The following ARHGEF18 variants were observed in gnomAD, a reference collection of about 807,000 sequenced individuals.
The protein encoded by ARHGEF18 is rho guanine nucleotide exchange factor 18.
Under a neutral mutation model 155.7 loss-of-function variants are expected in ARHGEF18, and 93 were observed. The observed-to-expected ratio is 0.60, with a 90% confidence interval of 0.50 to 0.71. The LOEUF is 0.71. ARHGEF18 is among the 30% of genes least tolerant of loss of function. ARHGEF18 has a pLI of 0.00. For synonymous variants in ARHGEF18, 742 were observed against 753.1 expected, an observed-to-expected ratio of 0.99 and a Z score of 0.24; for missense variants, 1,593 against 1,816.1, an observed-to-expected ratio of 0.88 and a Z score of 2.23.
intron 10 of ARHGEF18, among the ~76,000 whole-genome samples, chr19:7,386,040 C>G (rs1238628332): frequency 7.0e-6 from 1 of 143,744 alleles, no homozygotes; most frequent in Non-Finnish European, 1.5e-5. Context: ...CTCCCTCTCT[C>G]TCTCTCCTCC....
chr19:7,444,257 G>T lies in ARHGEF18; in HGVS notation c.1414G>T (p.Val472Leu). The part of the protein sequence containing the change: ...HVRTLKIMLK[V>L]YSRALQEELQ... The stretch of plus-strand genomic sequence containing the variant: ...GCGGACGCTCAAGATCATGCTGAAG[G>T]TGTACTCCAGGGCCCTGCAGGAGGA... The change falls in exon 14 of 29, where the codon GTG becomes TTG. Residue 472 changes from valine (V) to leucine (L), a missense_variant. Val to Leu is a conservative substitution (Grantham distance 32). Coordinates refer to ENST00000668164, the MANE Select transcript of ARHGEF18 (RefSeq NM_001367823.1). The surrounding 1 kb of genome is among the most constrained non-coding windows in gnomAD (Gnocchi z 4.7). 32 of 1,613,698 alleles carry T rather than the reference G, an allele frequency of 2.0e-5. No individual in the cohort carries two copies. The highest frequency in any genetic ancestry group is 2.7e-5 in the Non-Finnish European group (32 of 1,180,034).
At chr19:7,428,964 G>T (rs1973810395) in intron 10 of ARHGEF18, among the ~76,000 whole-genome samples, 1 of 152,208 alleles carries the variant, frequency 6.6e-6, no homozygotes, top group African/African-American at 2.4e-5. Flanking sequence ...GTGCAGCGAG[G>T]CTGTGCAATA....
the ARHGEF18 span, among the ~76,000 whole-genome samples, chr19:7,479,817 C>T: frequency 6.6e-5 from 10 of 152,204 alleles, no homozygotes; most frequent in African/African-American, 2.4e-4. Context: ...GAGCTACTCA[C>T]TTGGGGTGAT....
intron 10 of ARHGEF18, among the ~76,000 whole-genome samples, chr19:7,437,396 T>C (rs1487192326): frequency 1.4e-5 from 2 of 144,532 alleles, no homozygotes; most frequent in Non-Finnish European, 3.0e-5. Context: ...CACTCCAGCC[T>C]GGGCAACAAA....
intron 10 of ARHGEF18, among the ~76,000 whole-genome samples, chr19:7,389,249 C>T (rs971048270): frequency 4.6e-5 from 7 of 151,116 alleles, no homozygotes; most frequent in African/African-American, 1.7e-4. Context: ...CTCCTGGGCT[C>T]AAGCAATCCT....
At chr19:7,350,773 T>C (rs778622504) in intron 1 of ARHGEF18, among the ~76,000 whole-genome samples, 63 of 53,982 alleles carry the variant, frequency 1.2e-3, no homozygotes, top group Admixed American at 2.1e-3. Context: ...GGTGGGTGTG[T>C]GTGTGTGTGT....
Position 7,467,672 on chromosome 19 carries a change from C to T in ARHGEF18, c.3468C>T (p.Asp1156=). 1.3e-6 allele frequency: 2 copies of T among 1,508,282 alleles called. No homozygotes were observed. The highest frequency in any genetic ancestry group is 1.8e-6 in the Non-Finnish European group (2 of 1,136,532). 93.4% of individuals were successfully genotyped at this position (1,508,282 alleles called of 1,614,324 possible). ...CCGCGCCAGGCGCGCTGCCGCCCGA[C>T]ACACTGGCCGAGGTGAGCGCGCAGC... ...QNTAPGALPP[D]TLAEAQPPSH... The change falls in exon 26 of 29, where the codon GAC becomes GAT. Residue 1156 remains aspartate (D), a synonymous_variant. Coordinates refer to ENST00000668164, the MANE Select transcript of ARHGEF18 (RefSeq NM_001367823.1).
chr19:7,449,818 C>T (rs1975245422), intron 15 of ARHGEF18, among the ~76,000 whole-genome samples: 1 of 152,068 alleles, frequency 6.6e-6, no homozygotes, highest in African/African-American at 2.4e-5. Flanking sequence ...GCTGGGACTA[C>T]AGGAGTGTGC....
Position 7,446,975 on chromosome 19 carries a change from G to A in ARHGEF18, c.1612-68G>A, listed in dbSNP as rs748322841. On this transcript the variant is annotated intron_variant, in intron 14 of 28. Transcript: ENST00000668164. ...AATATTTATTTTAGCAGACTCAGAC[G>A]AATTAGATGAAAATACTCTTTGGCA... 1.3e-5 allele frequency: 20 copies of A among 1,547,820 alleles called. No homozygotes were observed. The South Asian group carries it at 1.9e-4, about 15-fold the overall frequency.
intron 1 of ARHGEF18, among the ~76,000 whole-genome samples, chr19:7,353,838 A>G (rs1196790123): frequency 1.3e-5 from 2 of 151,852 alleles, no homozygotes; most frequent in African/African-American, 4.8e-5. Context: ...CTGTGATCCC[A>G]GCTACTAGGG....
chr19:7,446,343 G>C (rs903810212), intron 14 of ARHGEF18, among the ~76,000 whole-genome samples: 2 of 151,826 alleles, frequency 1.3e-5, no homozygotes, highest in Non-Finnish European at 2.9e-5. Flanking sequence ...CTGCCCTCCA[G>C]CCTGAGCCAC....
intron 6 of ARHGEF18, 110 bp downstream of exon 6, chr19:7,378,561 G>C: frequency 1.2e-6 from 1 of 850,344 alleles, no homozygotes; most frequent in East Asian, 3.3e-5. Flanking sequence ...TAAGTGACCA[G>C]GGCCAGACAC....
intron 10 of ARHGEF18, among the ~76,000 whole-genome samples, chr19:7,426,180 A>G (rs959259018): frequency 2.6e-5 from 4 of 152,054 alleles, no homozygotes; most frequent in African/African-American, 9.7e-5. Context: ...CCCTGTCTCA[A>G]AAAAGAAAAA....
chr19:7,371,649 C>T (rs530046686), intron 2 of ARHGEF18, among the ~76,000 whole-genome samples: 67 of 152,060 alleles, frequency 4.4e-4, no homozygotes, highest in African/African-American at 1.6e-3. Flanking sequence ...TGTGAAACAC[C>T]ATCTCCACTA....
chr19:7,374,345 G>A (rs1970336595), intron 3 of ARHGEF18, among the ~76,000 whole-genome samples: 7 of 152,064 alleles, frequency 4.6e-5, no homozygotes, highest in Admixed American at 4.6e-4. Context: ...TAGAGCCTGT[G>A]CAAGTGACCG....
At chr19:7,393,104 C>T (rs2145521015) in intron 10 of ARHGEF18, among the ~76,000 whole-genome samples, 1 of 150,310 alleles carries the variant, frequency 6.7e-6, no homozygotes, top group East Asian at 1.9e-4. Flanking sequence ...CCCCTAAGTC[C>T]ATAAGCCACA....
intron 1 of ARHGEF18, among the ~76,000 whole-genome samples, chr19:7,362,474 C>T (rs1969672302): frequency 1.3e-5 from 2 of 152,152 alleles, no homozygotes. Context: ...CATAAGCCAA[C>T]TTGGATCACC....
intron 10 of ARHGEF18, among the ~76,000 whole-genome samples, chr19:7,418,488 C>T (rs1973141650): frequency 6.6e-6 from 1 of 151,120 alleles, no homozygotes. Flanking sequence ...CTCCTGGGCT[C>T]AAGCATTCCT....
intron 14 of ARHGEF18, among the ~76,000 whole-genome samples, chr19:7,446,595 G>C (rs1975004169): frequency 6.6e-6 from 1 of 151,692 alleles, no homozygotes; most frequent in Non-Finnish European, 1.5e-5. Context: ...ACAAAAATTA[G>C]CAGGGCATGG....
Sources: allele counts gnomAD v4.1 joint callset (sites outside exome capture counted in the v4.1 genomes callset), GRCh38; gene constraint gnomAD v4.1.1; non-coding constraint Gnocchi (gnomAD v3.1); transcripts MANE v1.5; gene names NCBI Gene and HGNC (gene_info 2026-07-23, HGNC 2026-07-21).